The following SMC2 variants were observed in gnomAD, a reference collection of about 807,000 sequenced individuals.
SMC2 encodes the protein structural maintenance of chromosomes protein 2.
SMC2 carries 41 observed loss-of-function variants against 142.6 expected under a neutral mutation model. The observed-to-expected ratio is 0.29, with a 90% CI of 0.22 to 0.37. The LOEUF (loss-of-function observed/expected upper bound fraction) is 0.37, where lower values mean the gene tolerates loss of function less well. Among genes scored for constraint, SMC2 ranks in the 10% least tolerant of loss-of-function variants. SMC2 has a pLI of 1.00. For synonymous variants in SMC2, 463 were observed against 457.5 expected, an observed-to-expected ratio of 1.01 and a Z score of -0.15; for missense variants, 1,265 against 1,373.7, an observed-to-expected ratio of 0.92 and a Z score of 1.25.
At chr9:104,097,508 GAAAAAAAA>G (rs59646608) in intron 3 of SMC2, among the ~76,000 whole-genome samples, 3 of 121,882 alleles carry the variant, frequency 2.5e-5, no homozygotes, top group African/African-American at 6.0e-5. Context: ...GCCTCTGGTT[GAAAAAAAA>G]AAAAAAAAAA....
At position 104,102,485 on chromosome 9, in the gene SMC2, C is replaced by T; in HGVS notation, c.932C>T (p.Thr311Ile). ...CTTGCAGAGGCTCAGCGAGTTAATACTAAATCTCAAAGCGCATTTGATCTC... is the reference window on the plus strand; with the variant it reads ...CTTGCAGAGGCTCAGCGAGTTAATATTAAATCTCAAAGCGCATTTGATCTC... ...DALAEAQRVN[T>I]KSQSAFDLKK... The change falls in exon 9 of 25, where the codon ACT becomes ATT. Residue 311 changes from threonine to isoleucine, a missense_variant. Coordinates refer to ENST00000374793, the MANE Select transcript of SMC2 (RefSeq NM_006444.3). The T allele has an allele frequency of 6.2e-7, 1 of 1,613,724 alleles. No individual in the cohort carries two copies. Among genetic ancestry groups the T allele is most frequent in the Middle Eastern group, 1.7e-4 (1 of 6,056 alleles).
chr9:104,125,827 G>A (rs1031591265), intron 18 of SMC2, among the ~76,000 whole-genome samples: 5 of 152,164 alleles, frequency 3.3e-5, no homozygotes, highest in Non-Finnish European at 4.4e-5. Flanking sequence ...CAAAGGCTAC[G>A]TTGTTAATCA....
chr9:104,118,027 C>CT, intron 14 of SMC2, 144 bp from the exon 15 acceptor site: 1 of 611,594 alleles, frequency 1.6e-6, no homozygotes, highest in Non-Finnish European at 2.7e-6. Flanking sequence ...TTTTACATAG[C>CT]TTTTTAGAAA....
chr9:104,105,417 A>G (rs748685164), intron 9 of SMC2, among the ~76,000 whole-genome samples: 13 of 152,132 alleles, frequency 8.5e-5, no homozygotes, highest in Admixed American at 1.3e-4. Flanking sequence ...TTGGATGCAC[A>G]TAGCACCCTT....
upstream of SMC2, among the ~76,000 whole-genome samples, chr9:104,093,576 T>G (rs1401212784): frequency 6.7e-6 from 1 of 150,348 alleles, no homozygotes; most frequent in African/African-American, 2.4e-5. Flanking sequence ...CTTAAAAGGT[T>G]TCCAGAAAAA....
chr9:104,132,130 T>G lies in SMC2; in HGVS notation c.3108+5T>G. The G allele has an allele frequency of 7.1e-7, 1 of 1,414,614 alleles. No homozygotes were observed. The highest frequency in any genetic ancestry group is 1.4e-5 in the African/African-American group (1 of 69,984). The allele number at this position is 1,414,614 out of a possible 1,614,324, so 87.6% of individuals were successfully genotyped here. A position where few individuals can be genotyped will look rare whatever the true frequency, so the allele number is the denominator to read the frequency against. On this transcript the variant is annotated splice_donor_5th_base_variant and intron_variant, in intron 22 of 24. Transcript: ENST00000374793. ...CTAAATATTGCATGGCAAAAGGTAC[T>G]TTTTATGTTTGTTTTATATGAGGTT...
At position 104,140,827 on chromosome 9, in the gene SMC2, T is replaced by C. The variant is rs1478579056; in HGVS notation, c.*1512T>C. 1 of 152,366 alleles carries C rather than the reference T, an allele frequency of 6.6e-6. No individual in the cohort carries two copies. The highest frequency in any genetic ancestry group is 1.5e-5 in the Non-Finnish European group (1 of 68,040). The allele number at this position is 152,366 out of a possible 1,614,324, so 9.4% of individuals were successfully genotyped here. A position where few individuals can be genotyped will look rare whatever the true frequency, so the allele number is the denominator to read the frequency against. The stretch of plus-strand genomic sequence containing the variant: ...CCATAGTATACAAATTAGTCAGTAC[T>C]TGCTGTTAATTTTAATATTTCTGAT... On this transcript the variant is annotated 3_prime_UTR_variant, in exon 25 of 25. Coordinates refer to ENST00000374793, the MANE Select transcript of SMC2 (RefSeq NM_006444.3).
In SMC2 at chr9:104,134,734, A is replaced by G. The variant is rs542074863; in HGVS notation, c.3269+159A>G. Among the ~76,000 whole-genome samples, 104 of 152,302 alleles carry G rather than the reference A, an allele frequency of 6.8e-4. No individual in the cohort carries two copies. Among genetic ancestry groups the G allele is most frequent in the Admixed American group, 3.7e-3 (57 of 15,278 alleles). ...AATTTGGTTAAAACATTTGATTAAAATAGGTGACAAAGGAGGAATAAGCAA... is the reference window on the plus strand; with the variant it reads ...AATTTGGTTAAAACATTTGATTAAAGTAGGTGACAAAGGAGGAATAAGCAA... On this transcript the variant is annotated intron_variant, in intron 23 of 24. Transcript: ENST00000374793.
In SMC2 at chr9:104,139,175, A is replaced by C; in HGVS notation, c.3454A>C (p.Asn1152His). ...GTCACTAAAAGAAGGTATGTTCAAC[A>C]ATGCAAACGTTCTTTTCAAAACCAA... ...VVSLKEGMFN[N>H]ANVLFKTKFV... Residue 1152 changes from asparagine to histidine, a missense_variant, in exon 25 of 25, where the codon AAT becomes CAT. By Grantham distance (68) the Asn-to-His change is moderately conservative. Coordinates refer to ENST00000374793, the MANE Select transcript of SMC2 (RefSeq NM_006444.3). The C allele has an allele frequency of 6.3e-7, 1 of 1,592,724 alleles. No individual in the cohort carries two copies. The highest frequency in any genetic ancestry group is 1.2e-5 in the South Asian group (1 of 85,800).
chr9:104,094,420 T>C lies in SMC2; in HGVS notation c.-119T>C. On this transcript the variant is annotated 5_prime_UTR_variant, in exon 1 of 25. Transcript: ENST00000374793. Reference sequence around the variant, plus strand: ...CCGGCTAGAGAGTTGTTCTGTTCCCTGCCTTTGTGACCCGGAGGAGCTTTT... The same window carrying C: ...CCGGCTAGAGAGTTGTTCTGTTCCCCGCCTTTGTGACCCGGAGGAGCTTTT... 2.5e-6 allele frequency: 1 copy of C among 398,876 alleles called. No homozygotes were observed. The highest frequency in any genetic ancestry group is 4.4e-6 in the Non-Finnish European group (1 of 226,308). 24.7% of individuals were successfully genotyped at this position (398,876 alleles called of 1,614,324 possible).
chr9:104,118,471 G>A (rs1833377110), intron 15 of SMC2, 96 bp downstream of exon 15: 10 of 975,524 alleles, frequency 1.0e-5, no homozygotes, highest in East Asian at 2.5e-5. Flanking sequence ...CACTTCTTCA[G>A]GAAACATGTT....
chr9:104,127,749 A>ATAAC lies in SMC2; in HGVS notation c.2790+271_2790+274dup, dbSNP rs529779357. Reference sequence around the variant, plus strand: ...AAATGTTTAGTGGTCTCCCATGGAAATAACTTTTCACCTCCAAATGTTGAT... The same window carrying ATAAC: ...AAATGTTTAGTGGTCTCCCATGGAAATAACTAACTTTTCACCTCCAAATGTTGAT... On this transcript the variant is annotated intron_variant, in intron 20 of 24. Coordinates refer to ENST00000374793, the MANE Select transcript of SMC2 (RefSeq NM_006444.3). Among the ~76,000 whole-genome samples, 663 of 152,318 alleles carry ATAAC rather than the reference A, an allele frequency of 4.4e-3. 4 individuals are homozygous for ATAAC. The highest frequency in any genetic ancestry group is 0.015 in the African/African-American group (622 of 41,566).
intron 9 of SMC2, among the ~76,000 whole-genome samples, chr9:104,104,716 C>A (rs1228495108): frequency 6.6e-6 from 1 of 152,186 alleles, no homozygotes; most frequent in East Asian, 1.9e-4. Flanking sequence ...TCTAGGTATC[C>A]CCTCTAGCAA....
At chr9:104,122,762 T>A (rs181790829) in intron 16 of SMC2, among the ~76,000 whole-genome samples, 1 of 152,182 alleles carries the variant, frequency 6.6e-6, no homozygotes, top group Non-Finnish European at 1.5e-5. Flanking sequence ...GTAATTGTTA[T>A]AATTAATCAT....
intron 15 of SMC2, among the ~76,000 whole-genome samples, chr9:104,119,811 A>G (rs1005825688): frequency 6.6e-6 from 1 of 152,182 alleles, no homozygotes; most frequent in Non-Finnish European, 1.5e-5. Context: ...GGCAGTGGTT[A>G]TTTTGAATAA....
chr9:104,133,360 C>T (rs995334676), intron 22 of SMC2, among the ~76,000 whole-genome samples: 1 of 152,134 alleles, frequency 6.6e-6, no homozygotes, highest in Non-Finnish European at 1.5e-5. Flanking sequence ...GAACCTGCTT[C>T]CACTCTGTAG....
chr9:104,102,611 A>G, intron 9 of SMC2, 38 bp downstream of exon 9: 2 of 1,590,798 alleles, frequency 1.3e-6, no homozygotes, highest in Non-Finnish European at 1.7e-6. Context: ...CCACTTGTAG[A>G]CAAGTATATA....
intron 14 of SMC2, among the ~76,000 whole-genome samples, chr9:104,117,754 A>C (rs942612289): frequency 1.3e-5 from 2 of 152,174 alleles, no homozygotes; most frequent in African/African-American, 4.8e-5. Flanking sequence ...GGATTTAGAA[A>C]GTTCAACCAC....
At chr9:104,127,864 A>G (rs1258596016) in intron 20 of SMC2, among the ~76,000 whole-genome samples, 1 of 152,206 alleles carries the variant, frequency 6.6e-6, no homozygotes, top group African/African-American at 2.4e-5. Context: ...CTATATATAC[A>G]GGTAATCTAA....
Sources: gnomAD v4.1 joint callset for allele counts (sites outside exome capture counted in the v4.1 genomes callset) on GRCh38, gnomAD v4.1.1 for gene constraint, MANE v1.5 for transcripts, NCBI Gene and HGNC (gene_info 2026-07-23, HGNC 2026-07-21) for gene names.